LOC128706666: variants seen among roughly 807,000 people sequenced by gnomAD.
the LOC128706666 span, among the ~76,000 whole-genome samples, chr20:10,428,054 T>C: frequency 3.3e-5 from 5 of 152,364 alleles, no homozygotes; most frequent in African/African-American, 4.8e-5. Flanking sequence ...ATAAAAAATA[T>C]ACTGAAAGCA....
At chr20:10,429,078 A>T in the LOC128706666 span, among the ~76,000 whole-genome samples, 1 of 152,102 alleles carries the variant, frequency 6.6e-6, no homozygotes, top group African/African-American at 2.4e-5. Flanking sequence ...GCCCTTTACC[A>T]TCTTCCTTCC....
At chr20:10,428,858 T>G in the LOC128706666 span, among the ~76,000 whole-genome samples, 1 of 151,934 alleles carries the variant, frequency 6.6e-6, no homozygotes, top group African/African-American at 2.4e-5. Context: ...AATAAATAAA[T>G]AAATAAAACT....
the LOC128706666 span, among the ~76,000 whole-genome samples, chr20:10,422,201 T>C: frequency 6.6e-6 from 1 of 152,174 alleles, no homozygotes; most frequent in Middle Eastern, 3.2e-3. Context: ...AGGTCTCAAT[T>C]CATATTTTAT....
At chr20:10,431,219 C>T in the LOC128706666 span, among the ~76,000 whole-genome samples, 173 of 152,168 alleles carry the variant, frequency 1.1e-3, no homozygotes, top group African/African-American at 4.1e-3. Context: ...ATATTATCAT[C>T]GAATATTTTG....
At chr20:10,425,995 TTTG>T in the LOC128706666 span, among the ~76,000 whole-genome samples, 4 of 152,338 alleles carry the variant, frequency 2.6e-5, no homozygotes, top group East Asian at 7.7e-4. Flanking sequence ...TAAAATGTCT[TTTG>T]TTAAGTTTAG....
chr20:10,428,406 C>A, the LOC128706666 span, among the ~76,000 whole-genome samples: 1 of 152,046 alleles, frequency 6.6e-6, no homozygotes, highest in South Asian at 2.1e-4. Context: ...CCATTTCTAC[C>A]CTTCATCATT....
At chr20:10,422,165 T>A in the LOC128706666 span, among the ~76,000 whole-genome samples, 1 of 152,194 alleles carries the variant, frequency 6.6e-6, no homozygotes, top group Non-Finnish European at 1.5e-5. Flanking sequence ...CATGTTATTC[T>A]TAGCATTATA....
At chr20:10,434,212 C>T in the LOC128706666 span, 1 of 152,268 alleles carries the variant, frequency 6.6e-6, no homozygotes, top group Non-Finnish European at 1.5e-5. Flanking sequence ...CTTCGCGTCG[C>T]GCGAGGGCAC....
At chr20:10,421,749 T>C in the LOC128706666 span, among the ~76,000 whole-genome samples, 140 of 152,068 alleles carry the variant, frequency 9.2e-4, 2 homozygotes, top group East Asian at 4.4e-3. Context: ...GACAGTTGCC[T>C]GGAGTTACAA....
chr20:10,417,313 T>TA, the LOC128706666 span, among the ~76,000 whole-genome samples: 1 of 151,880 alleles, frequency 6.6e-6, no homozygotes, highest in Non-Finnish European at 1.5e-5. Flanking sequence ...ACTTGCCTGT[T>TA]AATCTTAGCA....
the LOC128706666 span, among the ~76,000 whole-genome samples, chr20:10,415,930 T>C: frequency 3.3e-5 from 5 of 152,034 alleles, no homozygotes; most frequent in African/African-American, 4.8e-5. Flanking sequence ...CAAAACTTGT[T>C]GACCTGTGGT....
At chr20:10,413,990 C>A in the LOC128706666 span, 3 of 397,000 alleles carry the variant, frequency 7.6e-6, no homozygotes, top group Admixed American at 4.3e-5. Flanking sequence ...TTGTAGACTG[C>A]AGTTTAATAA....
chr20:10,413,835 G>C, the LOC128706666 span: 1 of 459,732 alleles, frequency 2.2e-6, no homozygotes, highest in Non-Finnish European at 3.8e-6. Context: ...ACCTATGAAA[G>C]ATATCCCAGC....
the LOC128706666 span, among the ~76,000 whole-genome samples, chr20:10,427,029 G>GACACACACACAGACAC: frequency 0.013 from 1,667 of 130,760 alleles, 18 homozygotes; most frequent in South Asian, 0.015. Context: ...AGAAAACACT[G>GACACACACACAGACAC]ACACACACAC....
the LOC128706666 span, among the ~76,000 whole-genome samples, chr20:10,427,827 A>C: frequency 3.9e-5 from 6 of 152,234 alleles, no homozygotes; most frequent in Non-Finnish European, 8.8e-5. Context: ...CCCATGGATC[A>C]TAATTGAGTT....
chr20:10,428,078 AT>A, the LOC128706666 span, among the ~76,000 whole-genome samples: 12 of 152,264 alleles, frequency 7.9e-5, no homozygotes, highest in African/African-American at 2.9e-4. Context: ...TAAGTCTTAT[AT>A]GGGGGTTTCA....
chr20:10,416,136 C>T, the LOC128706666 span, among the ~76,000 whole-genome samples: 3 of 151,314 alleles, frequency 2.0e-5, no homozygotes, highest in African/African-American at 7.3e-5. Context: ...CTTGGATGCA[C>T]GGGCTTGGCA....
chr20:10,426,407 T>C, the LOC128706666 span, among the ~76,000 whole-genome samples: 1 of 147,868 alleles, frequency 6.8e-6, no homozygotes, highest in African/African-American at 2.5e-5. Flanking sequence ...CCTGGCATGT[T>C]GTTCTTTTTT....
At chr20:10,415,221 CG>C in the LOC128706666 span, among the ~76,000 whole-genome samples, 1 of 152,024 alleles carries the variant, frequency 6.6e-6, no homozygotes, top group Admixed American at 6.6e-5. Context: ...GTATATTATT[CG>C]TTAGTATTTC....
Sources: allele counts gnomAD v4.1 joint callset (sites outside exome capture counted in the v4.1 genomes callset), GRCh38; gene constraint gnomAD v4.1.1; transcripts MANE v1.5.